The following PRKAR2B variants were observed in gnomAD, a reference collection of about 807,000 sequenced individuals.
The protein encoded by PRKAR2B is protein kinase cAMP-dependent type II regulatory subunit beta, also known as cAMP-dependent protein kinase type II-beta regulatory subunit.
Under a neutral mutation model 49.9 loss-of-function variants are expected in PRKAR2B, and 14 were observed. That is an observed-to-expected ratio of 0.28 (90% CI 0.19 to 0.44). The LOEUF is 0.44. Ranked by LOEUF, PRKAR2B falls within the 20% of genes least tolerant of loss-of-function variation. The pLI, the probability that PRKAR2B is intolerant of heterozygous loss-of-function variation, is 1.00. For missense variants in PRKAR2B, 393 were observed against 537.9 expected, an observed-to-expected ratio of 0.73 and a Z score of 2.67; for synonymous variants, 196 against 197.7, an observed-to-expected ratio of 0.99 and a Z score of 0.07.
At chr7:107,114,271 GA>G (rs141219835) in intron 2 of PRKAR2B, among the ~76,000 whole-genome samples, 1 of 148,356 alleles carries the variant, frequency 6.7e-6, no homozygotes, top group Non-Finnish European at 1.5e-5. Context: ...CATTTTTGAA[GA>G]AAAAAAAATT....
At chr7:107,056,033 T>C (rs1026986042) in intron 1 of PRKAR2B, among the ~76,000 whole-genome samples, 3 of 152,208 alleles carry the variant, frequency 2.0e-5, no homozygotes, top group African/African-American at 7.2e-5. Context: ...TTCCTACATA[T>C]GGCTAGCCAG....
intron 2 of PRKAR2B, among the ~76,000 whole-genome samples, chr7:107,111,824 A>AC (rs1002195763): frequency 2.6e-5 from 4 of 151,454 alleles, no homozygotes; most frequent in Admixed American, 2.6e-4. Flanking sequence ...TCCCACTTCC[A>AC]CCCCCAATTT....
At chr7:107,115,678 A>G (rs1414820180) in intron 2 of PRKAR2B, among the ~76,000 whole-genome samples, 1 of 152,104 alleles carries the variant, frequency 6.6e-6, no homozygotes, top group Non-Finnish European at 1.5e-5. Context: ...GAGAGAGAGA[A>G]TAAGAGAGAG....
At chr7:107,072,715 T>A (rs185906098) in intron 2 of PRKAR2B, among the ~76,000 whole-genome samples, 17 of 151,340 alleles carry the variant, frequency 1.1e-4, no homozygotes, top group Admixed American at 5.9e-4. Context: ...TTAACTTTTT[T>A]AAAAAGTAAC....
chr7:107,153,072 T>G, intron 7 of PRKAR2B, 105 bp from the exon 8 acceptor site: 3 of 637,732 alleles, frequency 4.7e-6, no homozygotes, highest in Admixed American at 6.0e-5. Context: ...ACCTACACAC[T>G]GCTCGATTTA....
intron 8 of PRKAR2B, among the ~76,000 whole-genome samples, chr7:107,156,170 C>T (rs1390459539): frequency 6.6e-6 from 1 of 152,048 alleles, no homozygotes; most frequent in African/African-American, 2.4e-5. Context: ...GGCTTAAAAC[C>T]AGACAGGTTG....
rs939838264 is a variant in PRKAR2B at position 107,140,504 on chromosome 7, A to G, written c.481-343A>G. ...TGGGTATCTTTAAAAGAAATTTGAA[A>G]TAATTCCTTACTAACCTGATCCTTT... On this transcript the variant is annotated intron_variant, in intron 4 of 10. Transcript: ENST00000265717. Among the ~76,000 whole-genome samples, 7 of 152,340 alleles carry G rather than the reference A, an allele frequency of 4.6e-5. No homozygotes were observed. The East Asian group carries it at 5.8e-4, about 13-fold the overall frequency.
intron 2 of PRKAR2B, among the ~76,000 whole-genome samples, chr7:107,112,174 TAAAAAAAAAAAA>T (rs749209141): frequency 8.9e-5 from 4 of 44,762 alleles, no homozygotes; most frequent in Admixed American, 2.8e-4. Flanking sequence ...ACTGTGTCTC[TAAAAAAAAAAAA>T]AAAAAAAAAA....
intron 2 of PRKAR2B, among the ~76,000 whole-genome samples, chr7:107,101,677 T>C (rs528739205): frequency 1.3e-5 from 2 of 152,318 alleles, no homozygotes; most frequent in African/African-American, 4.8e-5. Context: ...TTGCTTTTCT[T>C]GTATTCTCTC....
chr7:107,158,592 AC>A (rs1796140440), intron 10 of PRKAR2B, among the ~76,000 whole-genome samples: 1 of 152,136 alleles, frequency 6.6e-6, no homozygotes, highest in Admixed American at 6.5e-5. Context: ...TTTGGCTCCA[AC>A]TTTTTTGTGG....
At chr7:107,046,475 A>G (rs1274406937) in intron 1 of PRKAR2B, among the ~76,000 whole-genome samples, 1 of 152,244 alleles carries the variant, frequency 6.6e-6, no homozygotes, top group East Asian at 1.9e-4. Context: ...TAGTTTCTCC[A>G]AAAGAATCCC....
At chr7:107,091,180 C>T (rs1195815673) in intron 2 of PRKAR2B, among the ~76,000 whole-genome samples, 1 of 151,734 alleles carries the variant, frequency 6.6e-6, no homozygotes, top group African/African-American at 2.4e-5. Flanking sequence ...TTTTTTGGTG[C>T]AAAAAGGATC....
chr7:107,066,895 A>T (rs1416515907), intron 1 of PRKAR2B: 4 of 151,820 alleles, frequency 2.6e-5, no homozygotes. Context: ...TCTTCAGAAA[A>T]ACCCCCTGAA....
At chr7:107,144,798 T>C (rs1372846724) in intron 5 of PRKAR2B, among the ~76,000 whole-genome samples, 1 of 149,550 alleles carries the variant, frequency 6.7e-6, no homozygotes, top group African/African-American at 2.5e-5. Flanking sequence ...TTTTTTTTTT[T>C]TTTTTTTTTT....
At chr7:107,061,562 A>G (rs1007666752) in intron 1 of PRKAR2B, among the ~76,000 whole-genome samples, 1 of 152,222 alleles carries the variant, frequency 6.6e-6, no homozygotes, top group Non-Finnish European at 1.5e-5. Context: ...TTCAATAATA[A>G]GAAGACCCTA....
intron 2 of PRKAR2B, among the ~76,000 whole-genome samples, chr7:107,078,617 T>C (rs992893486): frequency 6.6e-6 from 1 of 152,202 alleles, no homozygotes; most frequent in African/African-American, 2.4e-5. Flanking sequence ...CAAGTACTGC[T>C]CCTGGCTCAT....
chr7:107,094,908 G>A (rs1794806226), intron 2 of PRKAR2B, among the ~76,000 whole-genome samples: 1 of 152,174 alleles, frequency 6.6e-6, no homozygotes, highest in Admixed American at 6.6e-5. Context: ...GGTTACTGTG[G>A]CCTTGTAGGA....
intron 2 of PRKAR2B, among the ~76,000 whole-genome samples, chr7:107,109,892 C>A (rs922742891): frequency 1.3e-5 from 2 of 152,154 alleles, no homozygotes; most frequent in South Asian, 4.1e-4. Context: ...GTTCCTCCCC[C>A]ACCCCACGGA....
intron 1 of PRKAR2B, among the ~76,000 whole-genome samples, chr7:107,063,649 G>A (rs1794071056): frequency 2.0e-5 from 3 of 152,084 alleles, no homozygotes; most frequent in Admixed American, 2.0e-4. Flanking sequence ...CTTCATTCTG[G>A]GAGTTGTATG....
Sources: gnomAD v4.1 joint callset for allele counts (sites outside exome capture counted in the v4.1 genomes callset) on GRCh38, gnomAD v4.1.1 for gene constraint, MANE v1.5 for transcripts, NCBI Gene and HGNC (gene_info 2026-07-23, HGNC 2026-07-21) for gene names.